The following MYO10 variants were observed in gnomAD, a reference collection of about 807,000 sequenced individuals.
The protein encoded by MYO10 is unconventional myosin-X.
In MYO10, 133 loss-of-function variants were observed where a neutral mutation model predicts 257.3. The ratio of observed to expected loss-of-function variants is 0.52; its 90% CI spans 0.45 to 0.60. The LOEUF is 0.60. MYO10 is among the 20% of genes least tolerant of loss of function. The probability of loss-of-function intolerance (pLI) is 0.00; values close to 1 mark genes in which losing one functional copy is unlikely to be tolerated. For missense variants in MYO10, 2,399 were observed against 2,635.7 expected (o/e 0.91, Z 1.97); for synonymous variants, 1,104 against 1,028.6 (o/e 1.07, Z -1.40).
chr5:16,925,291 G>A (rs954299532), intron 1 of MYO10, among the ~76,000 whole-genome samples: 3 of 152,116 alleles, frequency 2.0e-5, no homozygotes, highest in Non-Finnish European at 2.9e-5. Flanking sequence ...AATAATTGAA[G>A]AAAATATTTA....
chr5:16,681,573 C>A, intron 31 of MYO10, 70 bp from the exon 32 acceptor site: 1 of 1,419,654 alleles, frequency 7.0e-7, no homozygotes, highest in Non-Finnish European at 9.6e-7. Context: ...CAATCATCTG[C>A]ATAATGCTAA....
chr5:16,701,121 C>A lies in MYO10; in HGVS notation c.3274G>T (p.Asp1092Tyr). 1 of 1,593,842 alleles carries A rather than the reference C, an allele frequency of 6.3e-7. No individual in the cohort carries two copies. The highest frequency in any genetic ancestry group is 2.3e-5 in the East Asian group (1 of 43,872). The change falls in exon 25 of 41, where the codon GAC becomes TAC. Residue 1092 changes from aspartate to tyrosine, a missense_variant. Asp to Tyr is a radical substitution (Grantham distance 160, BLOSUM62 -3). Transcript: ENST00000513610. This position sits in a 1 kb window ranked among gnomAD's most constrained non-coding sequence, Gnocchi z 8.1. ...GCACCGTCCTCATAGTCATCCTGGTCGTAGTCGTAGTCGCCGTCTGGGGAG... is the reference window on the plus strand; with the variant it reads ...GCACCGTCCTCATAGTCATCCTGGTAGTAGTCGTAGTCGCCGTCTGGGGAG... Reference protein sequence around the residue: ...LPSPDGDYDYDQDDYEDGAIT... With the variant: ...LPSPDGDYDYYQDDYEDGAIT...
At chr5:16,887,857 T>G (rs1000252134) in intron 1 of MYO10, among the ~76,000 whole-genome samples, 12 of 152,244 alleles carry the variant, frequency 7.9e-5, no homozygotes, top group Middle Eastern at 3.4e-3. Flanking sequence ...ACCTTTTCAG[T>G]TAATCTTTTA....
intron 4 of MYO10, among the ~76,000 whole-genome samples, chr5:16,785,889 AC>A (rs1553995971): frequency 1.5e-5 from 1 of 65,948 alleles, no homozygotes; most frequent in East Asian, 3.2e-4. Flanking sequence ...ATTAAAAAAA[AC>A]AAAAAAACAA....
chr5:16,874,969 G>A (rs1044037790), intron 2 of MYO10, among the ~76,000 whole-genome samples: 8 of 152,094 alleles, frequency 5.3e-5, no homozygotes, highest in African/African-American at 1.4e-4. Flanking sequence ...ACGTGGAGGC[G>A]GCAAATGAGG....
chr5:16,897,468 C>T (rs1478661245), intron 1 of MYO10, among the ~76,000 whole-genome samples: 1 of 152,176 alleles, frequency 6.6e-6, no homozygotes, highest in East Asian at 1.9e-4. Context: ...GATGAACCCA[C>T]GTAAAAATCT....
chr5:16,812,687 C>G (rs984948521), intron 3 of MYO10, among the ~76,000 whole-genome samples: 1 of 152,134 alleles, frequency 6.6e-6, no homozygotes, highest in Non-Finnish European at 1.5e-5. Context: ...TAAATAAACA[C>G]TTGTTGCTAT....
At chr5:16,788,246 A>G (rs537854768) in intron 4 of MYO10, among the ~76,000 whole-genome samples, 9 of 152,180 alleles carry the variant, frequency 5.9e-5, no homozygotes, top group Non-Finnish European at 1.0e-4. Context: ...AGGATTGCTG[A>G]GGGGCCTGGC....
intron 6 of MYO10, among the ~76,000 whole-genome samples, chr5:16,781,062 GTTCT>G (rs1037980582): frequency 9.2e-5 from 14 of 151,634 alleles, no homozygotes; most frequent in African/African-American, 3.1e-4. Context: ...AACAAATACG[GTTCT>G]TTATTTCACA....
chr5:16,817,305 A>G (rs1742653372), intron 3 of MYO10, among the ~76,000 whole-genome samples: 1 of 152,246 alleles, frequency 6.6e-6, no homozygotes, highest in Non-Finnish European at 1.5e-5. Flanking sequence ...TCCTATAAAG[A>G]CTTGCAAACA....
chr5:16,786,711 T>A (rs1240463203), intron 4 of MYO10, among the ~76,000 whole-genome samples: 1 of 151,996 alleles, frequency 6.6e-6, no homozygotes, highest in Non-Finnish European at 1.5e-5. Flanking sequence ...CCAAAGCATT[T>A]TGGATAAGGG....
chr5:16,667,489 ACAAT>A (rs1319036278), intron 40 of MYO10, among the ~76,000 whole-genome samples: 3 of 152,146 alleles, frequency 2.0e-5, no homozygotes, highest in Admixed American at 6.5e-5. Context: ...TATGCCATGC[ACAAT>A]CAAAGATCCC....
intron 3 of MYO10, among the ~76,000 whole-genome samples, chr5:16,799,497 T>A (rs1580004052): frequency 3.4e-5 from 1 of 29,728 alleles, no homozygotes; most frequent in South Asian, 1.5e-3. Context: ...AGAGAAATAC[T>A]TTTTTTTTTT....
rs1339871964 is a variant in MYO10, at chr5:16,874,289, G to A, written c.120+3320C>T. 6.3e-5 allele frequency among the ~76,000 whole-genome samples: 8 copies of A among 127,878 alleles called. No individual in the cohort carries two copies. In the East Asian group the frequency reaches 1.5e-3, roughly 25 times the overall value. 83.9% of individuals were successfully genotyped at this position (127,878 alleles called of 152,430 possible). A position where few individuals can be genotyped will look rare whatever the true frequency, so the allele number is the denominator to read the frequency against. ...GTAGAGCTTGCAGTGAGCCGAGATC[G>A]CGCCACTGCACTCCAGCCTGGGCGA... On this transcript the variant is annotated intron_variant, in intron 2 of 40. Coordinates refer to ENST00000513610, the MANE Select transcript of MYO10 (RefSeq NM_012334.3).
At chr5:16,730,255 T>C (rs1739529253) in intron 19 of MYO10, among the ~76,000 whole-genome samples, 1 of 152,176 alleles carries the variant, frequency 6.6e-6, no homozygotes, top group Non-Finnish European at 1.5e-5. Context: ...TCTTATTAAA[T>C]GTGGGGTTTT....
chr5:16,666,829 A>T, intron 40 of MYO10, 36 bp from the exon 41 acceptor site: 1 of 1,527,368 alleles, frequency 6.5e-7, no homozygotes. Flanking sequence ...ACAGCGTCAC[A>T]AGTCTCCCCC....
rs1737024951 is a variant in MYO10, at chr5:16,681,958, T to C, written c.4102A>G (p.Thr1368Ala). ...ANRVLHCNADTPEEMHHWITL... is the reference protein window; with the variant it reads ...ANRVLHCNADAPEEMHHWITL... ...ATCCAGTGGTGCATCTCCTCCGGCG[T>C]GTCGGCGTTGCAGTGCAGCACCCGG... is the stretch of plus-strand genomic sequence containing the variant. The change falls in exon 31 of 41, where the codon ACG becomes GCG. Residue 1368 changes from threonine (T) to alanine (A), a missense_variant. By Grantham distance (58) the Thr-to-Ala change is moderately conservative. Transcript: ENST00000513610. 3 of 1,613,898 alleles carry C rather than the reference T, an allele frequency of 1.9e-6. No individual in the cohort carries two copies. The highest frequency in any genetic ancestry group is 2.5e-6 in the Non-Finnish European group (3 of 1,179,876).
chr5:16,716,253 G>A (rs1057191225), intron 19 of MYO10, among the ~76,000 whole-genome samples: 5 of 151,816 alleles, frequency 3.3e-5, no homozygotes, highest in Non-Finnish European at 5.9e-5. Flanking sequence ...TACTATTTCA[G>A]AATGCCTAGA....
intron 19 of MYO10, among the ~76,000 whole-genome samples, chr5:16,729,161 T>G (rs908906736): frequency 2.0e-5 from 3 of 152,182 alleles, no homozygotes; most frequent in African/African-American, 7.2e-5. Flanking sequence ...AGATATTTAT[T>G]TGTATTGGTG....
Sources: gnomAD v4.1 joint callset for allele counts (sites outside exome capture counted in the v4.1 genomes callset) on GRCh38, gnomAD v4.1.1 for gene constraint, Gnocchi (gnomAD v3.1) non-coding constraint, MANE v1.5 for transcripts, NCBI Gene and HGNC (gene_info 2026-07-23, HGNC 2026-07-21) for gene names.